RNGTT: variants seen among roughly 807,000 people sequenced by gnomAD.
RNGTT encodes RNA guanylyltransferase and 5'-phosphatase, also known as mRNA-capping enzyme.
RNGTT carries 33 observed loss-of-function variants against 79.3 expected under a neutral mutation model. The observed-to-expected ratio is 0.42, with a 90% CI of 0.32 to 0.56. RNGTT has a LOEUF of 0.56. Among genes scored for constraint, RNGTT ranks in the 20% least tolerant of loss-of-function variants. The pLI is 0.17. For missense variants in RNGTT, 497 were observed against 739.1 expected (o/e 0.67, Z 3.80); for synonymous variants, 222 against 235.9 (o/e 0.94, Z 0.54).
chr6:88,946,715 G>C (rs1278026287), intron 1 of RNGTT, among the ~76,000 whole-genome samples: 2 of 151,062 alleles, frequency 1.3e-5, no homozygotes, highest in Admixed American at 6.6e-5. Flanking sequence ...GCCGAAGCTG[G>C]ACTGTACTGC....
chr6:88,619,326 T>C (rs1772358168), intron 14 of RNGTT, among the ~76,000 whole-genome samples: 1 of 152,224 alleles, frequency 6.6e-6, no homozygotes, highest in East Asian at 1.9e-4. Flanking sequence ...CTACCACACC[T>C]GGCTAATATT....
intron 13 of RNGTT, among the ~76,000 whole-genome samples, chr6:88,735,132 T>C (rs1456486528): frequency 2.0e-5 from 3 of 152,076 alleles, no homozygotes; most frequent in Non-Finnish European, 4.4e-5. Flanking sequence ...CAAGAAGACA[T>C]AACAATCCTT....
At chr6:88,959,136 C>T (rs550870254) in intron 1 of RNGTT, among the ~76,000 whole-genome samples, 4 of 151,548 alleles carry the variant, frequency 2.6e-5, no homozygotes, top group Admixed American at 2.0e-4. Context: ...TGTGTTCTCA[C>T]TTGTAAGTGG....
intron 1 of RNGTT, among the ~76,000 whole-genome samples, chr6:88,950,732 G>A (rs1001301191): frequency 1.3e-5 from 2 of 152,110 alleles, no homozygotes; most frequent in African/African-American, 2.4e-5. Flanking sequence ...CTCAGGAGGC[G>A]GGGATGGGAG....
At chr6:88,718,551 G>C (rs1158812795) in intron 13 of RNGTT, among the ~76,000 whole-genome samples, 2 of 152,026 alleles carry the variant, frequency 1.3e-5, no homozygotes, top group African/African-American at 4.8e-5. Flanking sequence ...TCAAGCCTAT[G>C]ATTTGCCCTA....
chr6:88,866,657 C>T (rs913855811), intron 8 of RNGTT, among the ~76,000 whole-genome samples: 7 of 152,136 alleles, frequency 4.6e-5, no homozygotes, highest in African/African-American at 1.7e-4. Flanking sequence ...GATACAGACA[C>T]ATTCAAATAA....
intron 13 of RNGTT, among the ~76,000 whole-genome samples, chr6:88,720,371 T>A (rs1298489079): frequency 6.6e-6 from 1 of 152,088 alleles, no homozygotes; most frequent in Non-Finnish European, 1.5e-5. Context: ...CCTTTTATTA[T>A]TTTCTAGCCA....
At chr6:88,632,952 A>G (rs1428100680) in intron 14 of RNGTT, among the ~76,000 whole-genome samples, 3 of 152,192 alleles carry the variant, frequency 2.0e-5, no homozygotes, top group African/African-American at 4.8e-5. Context: ...ACTACACTGT[A>G]AAGAGGCTGT....
At chr6:88,627,595 AAAAT>A (rs1282687437) in intron 14 of RNGTT, among the ~76,000 whole-genome samples, 1 of 152,156 alleles carries the variant, frequency 6.6e-6, no homozygotes, top group African/African-American at 2.4e-5. Flanking sequence ...AAATGCTGAA[AAAAT>A]AAATAAAGAT....
chr6:88,666,597 A>G (rs1774418394), intron 14 of RNGTT, among the ~76,000 whole-genome samples: 1 of 152,216 alleles, frequency 6.6e-6, no homozygotes, highest in South Asian at 2.1e-4. Flanking sequence ...TGCTTCTGGT[A>G]TCAGAGAGCC....
intron 4 of RNGTT, among the ~76,000 whole-genome samples, chr6:88,926,284 T>C (rs1784315824): frequency 6.6e-6 from 1 of 152,216 alleles, no homozygotes; most frequent in Non-Finnish European, 1.5e-5. Context: ...TGCTTTACCA[T>C]ATGATTTAAT....
intron 13 of RNGTT, among the ~76,000 whole-genome samples, chr6:88,695,442 AT>A (rs1775628935): frequency 6.6e-6 from 1 of 152,200 alleles, no homozygotes; most frequent in African/African-American, 2.4e-5. Context: ...GGAAATGTAA[AT>A]TAGAATCACA....
intron 6 of RNGTT, among the ~76,000 whole-genome samples, chr6:88,904,512 C>G (rs1451517137): frequency 6.6e-6 from 1 of 151,392 alleles, no homozygotes; most frequent in Non-Finnish European, 1.5e-5. Context: ...CCCAGAAGGT[C>G]AAGGCTGCCA....
intron 13 of RNGTT, among the ~76,000 whole-genome samples, chr6:88,769,179 G>C (rs915537286): frequency 6.6e-6 from 1 of 151,830 alleles, no homozygotes; most frequent in Non-Finnish European, 1.5e-5. Flanking sequence ...TGCGGCGGGG[G>C]AAGTGGTCTC....
chr6:88,889,906 G>C (rs1782986262), intron 8 of RNGTT, among the ~76,000 whole-genome samples: 2 of 152,126 alleles, frequency 1.3e-5, no homozygotes, highest in Admixed American at 1.3e-4. Context: ...TCGAGCCCAG[G>C]AGTTCAAGGC....
chr6:88,698,224 T>TATATATATGAAATATATATATC (rs1775795087), intron 13 of RNGTT, among the ~76,000 whole-genome samples: 6 of 77,580 alleles, frequency 7.7e-5, no homozygotes, highest in Admixed American at 7.1e-4. Flanking sequence ...ATATATATCA[T>TATATATATGAAATATATATATC]ATATATATGA....
intron 2 of RNGTT, among the ~76,000 whole-genome samples, chr6:88,940,661 A>C (rs1784817827): frequency 6.6e-6 from 1 of 152,174 alleles, no homozygotes; most frequent in South Asian, 2.1e-4. Context: ...TCTGGCGAGT[A>C]CAGGGACGGG....
intron 13 of RNGTT, among the ~76,000 whole-genome samples, chr6:88,735,560 C>T (rs1160239262): frequency 8.1e-6 from 1 of 122,802 alleles, no homozygotes; most frequent in African/African-American, 3.0e-5. Context: ...CAGAATAACA[C>T]GAGTGTTAAA....
intron 14 of RNGTT, among the ~76,000 whole-genome samples, chr6:88,631,961 CTCTT>C (rs1240552514): frequency 1.3e-5 from 2 of 151,998 alleles, no homozygotes; most frequent in Non-Finnish European, 2.9e-5. Context: ...CCTAGGCCAA[CTCTT>C]TATTTATTAT....
Sources: gnomAD v4.1 joint callset for allele counts (sites outside exome capture counted in the v4.1 genomes callset) on GRCh38, gnomAD v4.1.1 for gene constraint, MANE v1.5 for transcripts, NCBI Gene and HGNC (gene_info 2026-07-23, HGNC 2026-07-21) for gene names.